Variants in MCPH1 observed in about 807,000 individuals in gnomAD.
MCPH1 encodes the protein microcephalin 1, also known as microcephalin.
A neutral mutation model predicts 84.5 loss-of-function variants in MCPH1; 104 were observed. The ratio of observed to expected loss-of-function variants is 1.23; its 90% confidence interval spans 1.05 to 1.45. The LOEUF (loss-of-function observed/expected upper bound fraction) is 1.45, where lower values mean the gene tolerates loss of function less well. Ranked by LOEUF, MCPH1 falls within the 40% of genes most tolerant of loss-of-function variation. The pLI, the probability that MCPH1 is intolerant of heterozygous loss-of-function variation, is 0.00. For synonymous variants in MCPH1, 514 were observed against 366.8 expected (o/e 1.40, Z -4.58); for missense variants, 1,498 against 1,005.7 (o/e 1.49, Z -6.62).
In MCPH1 at chr8:6,580,657, A is replaced by C. The variant is rs188789173; in HGVS notation, c.2215-40797A>C. 2.0e-3 allele frequency among the ~76,000 whole-genome samples: 300 copies of C among 152,236 alleles called. 1 individual carries two copies. The highest frequency in any genetic ancestry group is 7.0e-3 in the African/African-American group (290 of 41,520). The stretch of plus-strand genomic sequence containing the variant: ...CAGAGCAAGACTCTATCTCAACCAC[A>C]AAAACAAAAACAAAACAAAACAAAA... On this transcript the variant is annotated intron_variant, in intron 12 of 13. Transcript: ENST00000344683.
In MCPH1 at chr8:6,445,526, T is replaced by G. The variant is rs376710009; in HGVS notation, c.1804T>G (p.Leu602Val). ...GACGTCTACAGAAGAGAAGGAAAACTTACCCGGAGGATACAGTGGAAGTAT... is the reference window on the plus strand; with the variant it reads ...GACGTCTACAGAAGAGAAGGAAAACGTACCCGGAGGATACAGTGGAAGTAT... ...METSTEEKEN[L>V]PGGYSGSVKN... Residue 602 changes from leucine to valine, a missense_variant, in exon 8 of 14, where the codon TTA becomes GTA. Physicochemically the swap from Leu to Val is conservative, Grantham distance 32. Transcript: ENST00000344683. The G allele has an allele frequency of 1.2e-6, 2 of 1,605,384 alleles. No homozygotes were observed. The highest frequency in any genetic ancestry group is 2.7e-5 in the African/African-American group (2 of 74,322).
At chr8:6,467,745 T>A (rs1179708313) in intron 9 of MCPH1, among the ~76,000 whole-genome samples, 1 of 152,150 alleles carries the variant, frequency 6.6e-6, no homozygotes, top group Non-Finnish European at 1.5e-5. Flanking sequence ...TCCAGGCAGG[T>A]GCCACCATGC....
chr8:6,616,244 G>A (rs533375739), intron 12 of MCPH1: 1 of 152,138 alleles, frequency 6.6e-6, no homozygotes, highest in East Asian at 1.9e-4. Context: ...GCCAAGGAGC[G>A]ACTTTAAAGG....
chr8:6,521,509 T>G lies in MCPH1; in HGVS notation c.2214+21580T>G, dbSNP rs1817331384. ...TCTCCAAGGTACTCTGTTAAGATATTGTAGTGGTTATAAAGTAATATGATG... is the reference window on the plus strand; with the variant it reads ...TCTCCAAGGTACTCTGTTAAGATATGGTAGTGGTTATAAAGTAATATGATG... On this transcript the variant is annotated intron_variant, in intron 12 of 13. Transcript: ENST00000344683. 5.6e-6 allele frequency: 5 copies of G among 886,136 alleles called. No homozygotes were observed. The East Asian group carries it at 1.3e-4, about 24-fold the overall frequency. 54.9% of individuals were successfully genotyped at this position (886,136 alleles called of 1,614,324 possible).
intron 12 of MCPH1, among the ~76,000 whole-genome samples, chr8:6,596,194 G>A (rs1828912793): frequency 6.6e-6 from 1 of 152,068 alleles, no homozygotes; most frequent in Admixed American, 6.6e-5. Flanking sequence ...ATTTTATTGG[G>A]CTCCAGTCTC....
intron 12 of MCPH1, among the ~76,000 whole-genome samples, chr8:6,530,508 C>CAAAA (rs55729820): frequency 5.1e-5 from 5 of 98,036 alleles, no homozygotes; most frequent in East Asian, 3.4e-4. Flanking sequence ...GACTCTGTCT[C>CAAAA]AAAAAAAAAA....
chr8:6,541,911 G>C (rs1391935568), intron 12 of MCPH1, among the ~76,000 whole-genome samples: 1 of 152,074 alleles, frequency 6.6e-6, no homozygotes, highest in East Asian at 1.9e-4. Context: ...AGGAGGCTAA[G>C]GTGGGAGGAT....
At chr8:6,589,091 A>C (rs1236481112) in intron 12 of MCPH1, among the ~76,000 whole-genome samples, 2 of 152,212 alleles carry the variant, frequency 1.3e-5, no homozygotes, top group African/African-American at 2.4e-5. Context: ...CTGGATGATG[A>C]ATTGACAACA....
chr8:6,630,096 A>C (rs1181940575), intron 13 of MCPH1, among the ~76,000 whole-genome samples: 1 of 152,238 alleles, frequency 6.6e-6, no homozygotes, highest in Non-Finnish European at 1.5e-5. Flanking sequence ...AATGGATGGC[A>C]GTAAAGTAAT....
chr8:6,533,705 T>C (rs1257346835), intron 12 of MCPH1, among the ~76,000 whole-genome samples: 1 of 152,056 alleles, frequency 6.6e-6, no homozygotes, highest in East Asian at 1.9e-4. Context: ...CATTGTTTAT[T>C]ACATTGAATA....
chr8:6,416,947 C>G (rs911223033), intron 3 of MCPH1, among the ~76,000 whole-genome samples: 4 of 151,670 alleles, frequency 2.6e-5, no homozygotes, highest in African/African-American at 9.7e-5. Flanking sequence ...TGAACCAAGA[C>G]CACGCCATTG....
At chr8:6,416,412 T>A (rs1220249969) in intron 3 of MCPH1, among the ~76,000 whole-genome samples, 1 of 152,230 alleles carries the variant, frequency 6.6e-6, no homozygotes, top group Admixed American at 6.5e-5. Context: ...AAGCTTTCAG[T>A]ATTTCATTAT....
At chr8:6,579,762 G>T (rs1051874903) in intron 12 of MCPH1, among the ~76,000 whole-genome samples, 5 of 152,152 alleles carry the variant, frequency 3.3e-5, no homozygotes, top group African/African-American at 7.2e-5. Context: ...AGCACGTGTC[G>T]CCAGAGGTCA....
intron 4 of MCPH1, among the ~76,000 whole-genome samples, chr8:6,432,171 T>G (rs56266354): frequency 6.6e-6 from 1 of 152,344 alleles, no homozygotes; most frequent in African/African-American, 2.4e-5. Context: ...GGTCTTTCTA[T>G]GTTGCCCAAG....
intron 13 of MCPH1, among the ~76,000 whole-genome samples, chr8:6,633,993 G>C (rs1169844570): frequency 6.6e-6 from 1 of 152,136 alleles, no homozygotes; most frequent in South Asian, 2.1e-4. Flanking sequence ...TATGGTGTTG[G>C]GATGACCACC....
chr8:6,562,519 C>G, intron 12 of MCPH1: 3 of 811,942 alleles, frequency 3.7e-6, no homozygotes, highest in South Asian at 6.5e-5. Context: ...ACCAGCAACC[C>G]GCTCTCCAGC....
intron 11 of MCPH1, among the ~76,000 whole-genome samples, chr8:6,483,360 T>G (rs187083591): frequency 6.6e-6 from 1 of 152,178 alleles, no homozygotes; most frequent in Non-Finnish European, 1.5e-5. Context: ...GGAGCCAGAA[T>G]AGCCAAAACA....
At chr8:6,423,736 T>G (rs1454640925) in intron 3 of MCPH1, among the ~76,000 whole-genome samples, 1 of 152,218 alleles carries the variant, frequency 6.6e-6, no homozygotes, top group Non-Finnish European at 1.5e-5. Context: ...TTCTGAGAGT[T>G]TACATATTTA....
At chr8:6,415,465 T>G (rs112416519) in intron 3 of MCPH1, among the ~76,000 whole-genome samples, 8,974 of 152,072 alleles carry the variant, frequency 0.059, 367 homozygotes, top group Middle Eastern at 0.12. Flanking sequence ...GTGATTCTCC[T>G]GCTTCTGCCT....
Sources: allele counts gnomAD v4.1 joint callset (sites outside exome capture counted in the v4.1 genomes callset), GRCh38; gene constraint gnomAD v4.1.1; transcripts MANE v1.5; gene names NCBI Gene and HGNC (gene_info 2026-07-23, HGNC 2026-07-21).